The following ANKRD53 variants were observed in gnomAD, a reference collection of about 807,000 sequenced individuals.
The protein encoded by ANKRD53 is ankyrin repeat domain-containing protein 53.
ANKRD53 carries 27 observed loss-of-function variants against 30.1 expected under a neutral mutation model. The ratio of observed to expected loss-of-function variants is 0.90; its 90% CI spans 0.66 to 1.24. The LOEUF is 1.24. ANKRD53 is among the 50% of genes most tolerant of loss of function. ANKRD53 has a pLI of 0.00. For synonymous variants in ANKRD53, 286 were observed against 295.4 expected (o/e 0.97, Z 0.33); for missense variants, 682 against 721.0 (o/e 0.95, Z 0.62).
At chr2:70,979,566 A>C in intron 2 of ANKRD53, 95 bp from the exon 3 acceptor site, 1 of 1,434,412 alleles carries the variant, frequency 7.0e-7, no homozygotes, top group Non-Finnish European at 9.4e-7. Context: ...GACACAGGGA[A>C]GAAAGTGAAG....
intron 5 of ANKRD53, 147 bp from the exon 6 acceptor site, chr2:70,984,464 C>T: frequency 6.6e-7 from 1 of 1,522,990 alleles, no homozygotes; most frequent in Non-Finnish European, 8.7e-7. Flanking sequence ...TTGCTTCCAT[C>T]AGACTCAGAC....
rs782260627 is a variant in ANKRD53, at chr2:70,984,747, C to A, written c.1040C>A (p.Ser347Ter). The A allele has an allele frequency of 4.4e-6, 7 of 1,594,096 alleles. No homozygotes were observed. Among genetic ancestry groups the A allele is most frequent in the Admixed American group, 1.8e-5 (1 of 55,624 alleles). ...ALSKTPEQRE[S>*]QRSRSFHPSV... ...TCCAAGACCCCAGAGCAACGGGAAT[C>A]GCAGCGTTCCAGGAGCTTCCACCCC... Residue 347 changes from serine to a stop codon, truncating the protein, a stop_gained, in exon 6 of 6, where the codon TCG becomes TAG. Transcript: ENST00000360589. LOFTEE classifies it low-confidence loss of function (END_TRUNC).
rs781952958 is a variant in ANKRD53 at position 70,979,249 on chromosome 2, GCTA to G, written c.328_330del (p.Tyr110del). Reference sequence around the variant, plus strand: ...GCAATCGACCAGACGGCGATCGGGAGCTACTACCAGCTGTTCGCAGCGGCTGTG... The same window carrying G: ...GCAATCGACCAGACGGCGATCGGGAGCTACCAGCTGTTCGCAGCGGCTGTG... On this transcript the variant is annotated inframe_deletion, in exon 2 of 6. Coordinates refer to ENST00000360589, the MANE Select transcript of ANKRD53 (RefSeq NM_001115116.2). 5.0e-6 allele frequency: 8 copies of G among 1,613,616 alleles called. No homozygotes were observed. The East Asian group carries it at 1.3e-4, about 27-fold the overall frequency.
chr2:70,983,165 A>C (rs1553423985), intron 5 of ANKRD53, among the ~76,000 whole-genome samples: 1 of 152,196 alleles, frequency 6.6e-6, no homozygotes, highest in African/African-American at 2.4e-5. Flanking sequence ...CTAGCAGAGG[A>C]GGCAGGTTAC....
Position 70,978,958 on chromosome 2 carries a change from T to C in ANKRD53, c.171-139T>C. 1 of 1,438,058 alleles carries C rather than the reference T, an allele frequency of 7.0e-7. No individual in the cohort carries two copies. 89.1% of individuals were successfully genotyped at this position (1,438,058 alleles called of 1,614,324 possible). A position where few individuals can be genotyped will look rare whatever the true frequency, so the allele number is the denominator to read the frequency against. ...AGACAGGCTGGGGCCAGGGATCGCCTCCCGAGAGGTGCCTAGGCCGTGGCC... is the reference window on the plus strand; with the variant it reads ...AGACAGGCTGGGGCCAGGGATCGCCCCCCGAGAGGTGCCTAGGCCGTGGCC... On this transcript the variant is annotated intron_variant, in intron 1 of 5. Coordinates refer to ENST00000360589, the MANE Select transcript of ANKRD53 (RefSeq NM_001115116.2). This position sits in a 1 kb window ranked among gnomAD's most constrained non-coding sequence, Gnocchi z 4.3.
At chr2:70,984,397 TC>T in intron 5 of ANKRD53, 1 of 1,555,908 alleles carries the variant, frequency 6.4e-7, no homozygotes, top group Non-Finnish European at 8.6e-7. Flanking sequence ...GCCCAGGGGC[TC>T]CCTTATGGAA....
Position 70,978,793 on chromosome 2 carries a change from G to C in ANKRD53, c.148G>C (p.Asp50His). 1 of 1,571,170 alleles carries C rather than the reference G, an allele frequency of 6.4e-7. No homozygotes were observed. The highest frequency in any genetic ancestry group is 1.4e-5 in the African/African-American group (1 of 73,978). The part of the protein sequence containing the change: ...NKVSLKATWT[D>H]AESKQPSQPL... ...AGTCTCCTTGAAGGCCACCTGGACT[G>C]ACGCGGAGTCCAAGCAGCCCAGGTG... The change falls in exon 1 of 6, where the codon GAC (aspartate) becomes CAC (histidine). Residue 50 changes from aspartate to histidine, a missense_variant. Transcript: ENST00000360589. This position sits in a 1 kb window ranked among gnomAD's most constrained non-coding sequence, Gnocchi z 4.3.
intron 3 of ANKRD53, 111 bp from the exon 4 acceptor site, chr2:70,981,825 T>G (rs1670016980): frequency 1.6e-6 from 2 of 1,216,040 alleles, no homozygotes; most frequent in African/African-American, 3.1e-5. Context: ...GATCACCCAG[T>G]GGACTGATGG....
chr2:70,982,681 A>G lies in ANKRD53; in HGVS notation c.887A>G (p.Tyr296Cys). 4 of 1,613,924 alleles carry G rather than the reference A, an allele frequency of 2.5e-6. No individual in the cohort carries two copies. The highest frequency in any genetic ancestry group is 3.4e-6 in the Non-Finnish European group (4 of 1,179,948). ...KSQLTLMEHN[Y>C]LIEYQKEHKI... ...CAGCTGACCCTCATGGAGCACAACT[A>G]CCTGATTGAGTATCAAGTAAGGGGG... Residue 296 changes from tyrosine (Y) to cysteine (C), a missense_variant, in exon 5 of 6, where the codon TAC becomes TGC. Physicochemically the swap from Tyr to Cys is radical, Grantham distance 194 (BLOSUM62 -2). Transcript: ENST00000360589. The surrounding 1 kb of genome is among the most constrained non-coding windows in gnomAD (Gnocchi z 4.2).
intron 3 of ANKRD53, 101 bp from the exon 4 acceptor site, chr2:70,981,835 G>A: frequency 7.6e-7 from 1 of 1,317,678 alleles, no homozygotes; most frequent in Non-Finnish European, 1.0e-6. Flanking sequence ...TGGACTGATG[G>A]TAGAGCAGGG....
chr2:70,984,484 C>T, intron 5 of ANKRD53, 127 bp from the exon 6 acceptor site: 1 of 1,527,438 alleles, frequency 6.5e-7, no homozygotes, highest in Non-Finnish European at 8.7e-7. Context: ...CTTTCCCTCC[C>T]ATCAGACTCA....
In ANKRD53 at chr2:70,985,494, C is replaced by CCG. The variant is rs1446415978; in HGVS notation, c.*195_*196insGC. On this transcript the variant is annotated 3_prime_UTR_variant, in exon 6 of 6. Transcript: ENST00000360589. ...CTCTGCAAATAAATCTCTTGGCACC[C>CCG]CCCCACCGCCGCCAGGAAATCCAAG... 3.1e-5 allele frequency: 18 copies of CCG among 584,686 alleles called. No homozygotes were observed. Among genetic ancestry groups the CCG allele is most frequent in the African/African-American group, 2.7e-4 (14 of 52,488 alleles). The allele number at this position is 584,686 out of a possible 1,614,324, so 36.2% of individuals were successfully genotyped here. A position where few individuals can be genotyped will look rare whatever the true frequency, so the allele number is the denominator to read the frequency against.
Position 70,978,736 on chromosome 2 carries a change from A to G in ANKRD53, c.91A>G (p.Thr31Ala). The change falls in exon 1 of 6, where the codon ACT becomes GCT. Residue 31 changes from threonine (T) to alanine (A), a missense_variant. By Grantham distance (58) the Thr-to-Ala change is moderately conservative. Transcript: ENST00000360589. This position sits in a 1 kb window ranked among gnomAD's most constrained non-coding sequence, Gnocchi z 4.3. Reference sequence around the variant, plus strand: ...AGGGAGAGGTGCTCGGCCGCAGCCAACTCCAAGTGGCTCCATGCAGCAGGC... The same window carrying G: ...AGGGAGAGGTGCTCGGCCGCAGCCAGCTCCAAGTGGCTCCATGCAGCAGGC... ...GEGRGARPQP[T>A]PSGSMQQANK... 4 of 1,559,318 alleles carry G rather than the reference A, an allele frequency of 2.6e-6. No individual in the cohort carries two copies. The highest frequency in any genetic ancestry group is 3.5e-6 in the Non-Finnish European group (4 of 1,151,800).
chr2:70,979,269 G>C lies in ANKRD53; in HGVS notation c.343G>C (p.Ala115Pro). The C allele has an allele frequency of 6.2e-7, 1 of 1,613,776 alleles. No individual in the cohort carries two copies. Among genetic ancestry groups the C allele is most frequent in the Middle Eastern group, 1.6e-4 (1 of 6,062 alleles). ...CGGGAGCTACTACCAGCTGTTCGCA[G>C]CGGCTGTGGGCAACGTGGAATGGCT... ...AIGSYYQLFA[A>P]AVGNVEWLRF... Residue 115 changes from alanine (A) to proline (P), a missense_variant, in exon 2 of 6, where the codon GCG becomes CCG. Transcript: ENST00000360589.
rs1553422894 is a variant in ANKRD53 at position 70,978,845 on chromosome 2, C to G, written c.170+30C>G. On this transcript the variant is annotated intron_variant, in intron 1 of 5. Transcript: ENST00000360589. This position sits in a 1 kb window ranked among gnomAD's most constrained non-coding sequence, Gnocchi z 4.3. ...GTAGCGGGAGAAGGTGTCCCGGCTG[C>G]AGGGAGCGAGAACCCGGCCCAGCGC... 1 of 1,545,502 alleles carries G rather than the reference C, an allele frequency of 6.5e-7. No homozygotes were observed. The highest frequency in any genetic ancestry group is 1.2e-5 in the South Asian group (1 of 83,382).
At chr2:70,978,519 C>A, upstream of ANKRD53, 1 of 1,183,550 alleles carries the variant, frequency 8.4e-7, no homozygotes, top group Non-Finnish European at 1.1e-6. This position sits in a 1 kb window ranked among gnomAD's most constrained non-coding sequence, Gnocchi z 4.3. Context: ...AGAGAGGCAG[C>A]CGAACCCTAG....
rs1305389805 is a variant in ANKRD53 at position 70,985,254 on chromosome 2, CTCA to C, written c.1551_1553del (p.His517del). The C allele has an allele frequency of 1.3e-6, 2 of 1,550,952 alleles. No individual in the cohort carries two copies. Among genetic ancestry groups the C allele is most frequent in the Non-Finnish European group, 1.7e-6 (2 of 1,147,020 alleles). On this transcript the variant is annotated inframe_deletion, in exon 6 of 6. Transcript: ENST00000360589. Reference sequence around the variant, plus strand: ...GAAGCCTTCCTGGCAGCTGTGCGATCTCATCAAGGACTCCCCACCCTGCCCTCC... The same window carrying C: ...GAAGCCTTCCTGGCAGCTGTGCGATCTCAAGGACTCCCCACCCTGCCCTCC...
At chr2:70,979,385 C>A in intron 2 of ANKRD53, 42 bp downstream of exon 2, 1 of 1,610,542 alleles carries the variant, frequency 6.2e-7, no homozygotes, top group Non-Finnish European at 8.5e-7. Context: ...GGTCCCTCTC[C>A]CGCTACGCTG....
At position 70,982,697 on chromosome 2, in the gene ANKRD53, A is replaced by G. The variant is rs782681010; in HGVS notation, c.903A>G (p.Gln301=). The G allele has an allele frequency of 9.3e-6, 15 of 1,613,830 alleles. No homozygotes were observed. The South Asian group carries it at 1.6e-4, about 18-fold the overall frequency. Residue 301 remains glutamine (Q), a splice_region_variant and synonymous_variant, in exon 5 of 6, where the codon CAA becomes CAG. Coordinates refer to ENST00000360589, the MANE Select transcript of ANKRD53 (RefSeq NM_001115116.2). This position sits in a 1 kb window ranked among gnomAD's most constrained non-coding sequence, Gnocchi z 4.2. The part of the protein sequence containing the change: ...LMEHNYLIEY[Q]KEHKILREAA... ...AGCACAACTACCTGATTGAGTATCA[A>G]GTAAGGGGGACAGCAGGGGGGCCAG...
Sources: gnomAD v4.1 joint callset for allele counts (sites outside exome capture counted in the v4.1 genomes callset) on GRCh38, gnomAD v4.1.1 for gene constraint, Gnocchi (gnomAD v3.1) non-coding constraint, MANE v1.5 for transcripts, NCBI Gene and HGNC (gene_info 2026-07-23, HGNC 2026-07-21) for gene names.